Variants in ENTPD4 observed in about 807,000 individuals in gnomAD.
ENTPD4 encodes ectonucleoside triphosphate diphosphohydrolase 4.
ENTPD4 carries 60 observed loss-of-function variants against 79.1 expected under a neutral mutation model. That is an observed-to-expected ratio of 0.76 (90% CI 0.62 to 0.94). The LOEUF (loss-of-function observed/expected upper bound fraction) is 0.94. Ranked by LOEUF, ENTPD4 falls within the 40% of genes least tolerant of loss-of-function variation. The pLI, the probability that ENTPD4 is intolerant of heterozygous loss-of-function variation, is 0.00. For missense variants in ENTPD4, 772 were observed against 775.1 expected (o/e 1.00, Z 0.05); for synonymous variants, 276 against 292.0 (o/e 0.95, Z 0.56).
At position 23,436,931 on chromosome 8, in the gene ENTPD4, T is replaced by C. The variant is rs774055231; in HGVS notation, c.1374+3A>G. On this transcript the variant is annotated splice_donor_region_variant and intron_variant, in intron 10 of 12. Transcript: ENST00000358689. Reference sequence around the variant, plus strand: ...CAGAGCAGACGGCGTCTCTCAAGGGTACCTTTGCAGCTTTAGTAAATTTAG... The same window carrying C: ...CAGAGCAGACGGCGTCTCTCAAGGGCACCTTTGCAGCTTTAGTAAATTTAG... The C allele has an allele frequency of 4.9e-5, 77 of 1,577,572 alleles. No individual in the cohort carries two copies. The highest frequency in any genetic ancestry group is 6.3e-5 in the Non-Finnish European group (73 of 1,161,394).
intron 11 of ENTPD4, 69 bp downstream of exon 11, chr8:23,435,323 C>T (rs1563222005): frequency 2.7e-6 from 3 of 1,100,272 alleles, no homozygotes; most frequent in East Asian, 5.0e-5. Context: ...CAGGGTGTGG[C>T]AAGCCAGTGG....
intron 9 of ENTPD4, among the ~76,000 whole-genome samples, chr8:23,438,179 A>G (rs1800605495): frequency 6.6e-6 from 1 of 152,240 alleles, no homozygotes; most frequent in Admixed American, 6.5e-5. Context: ...GAAACAGAGA[A>G]GAGCTCACAA....
At chr8:23,456,202 T>C (rs903845942) in intron 1 of ENTPD4, among the ~76,000 whole-genome samples, 5 of 152,224 alleles carry the variant, frequency 3.3e-5, no homozygotes, top group Non-Finnish European at 7.3e-5. Context: ...CAGTCCCAGA[T>C]ACCATCTCTC....
intron 2 of ENTPD4, 99 bp from the exon 3 acceptor site, chr8:23,449,038 G>T: frequency 1.1e-6 from 1 of 939,270 alleles, no homozygotes; most frequent in South Asian, 1.5e-5. Flanking sequence ...TGAGCTACCT[G>T]GATTTCCCTA....
chr8:23,452,547 C>T (rs556699151), intron 1 of ENTPD4, among the ~76,000 whole-genome samples: 1 of 152,216 alleles, frequency 6.6e-6, no homozygotes, highest in South Asian at 2.1e-4. Context: ...TTGTACTAGC[C>T]ACCTTTGAAG....
At chr8:23,439,123 T>C (rs943425501) in intron 9 of ENTPD4, among the ~76,000 whole-genome samples, 4 of 152,244 alleles carry the variant, frequency 2.6e-5, no homozygotes, top group African/African-American at 7.2e-5. Context: ...CTTACACTTA[T>C]ACAGTCAATT....
chr8:23,447,970 C>A, intron 3 of ENTPD4, 85 bp from the exon 4 acceptor site: 1 of 1,077,334 alleles, frequency 9.3e-7, no homozygotes, highest in Middle Eastern at 2.2e-4. Context: ...AATACCAAGT[C>A]AGTAATTTCT....
In ENTPD4 at chr8:23,450,014, G is replaced by A. The variant is rs1480080533; in HGVS notation, c.-97-17C>T. On this transcript the variant is annotated splice_polypyrimidine_tract_variant and intron_variant, in intron 1 of 12. Coordinates refer to ENST00000358689, the MANE Select transcript of ENTPD4 (RefSeq NM_004901.5). ...AGAGCCCTCCTGTTCCAGGAAGTGA[G>A]ACAAATCACAAAGATAGCATCATCA... 1 of 1,310,760 alleles carries A rather than the reference G, an allele frequency of 7.6e-7. No homozygotes were observed. Among genetic ancestry groups the A allele is most frequent in the East Asian group, 2.3e-5 (1 of 43,392 alleles). 81.2% of individuals were successfully genotyped at this position (1,310,760 alleles called of 1,614,324 possible).
intron 1 of ENTPD4, among the ~76,000 whole-genome samples, chr8:23,455,458 C>T (rs779626586): frequency 2.2e-4 from 33 of 152,076 alleles, no homozygotes; most frequent in Non-Finnish European, 3.7e-4. Flanking sequence ...TGGAGGCTGC[C>T]GGGTGGCACC....
In ENTPD4 at chr8:23,447,709, C is replaced by A. The variant is rs374788498; in HGVS notation, c.383G>T (p.Arg128Leu). 1 of 1,613,962 alleles carries A rather than the reference C, an allele frequency of 6.2e-7. No individual in the cohort carries two copies. Among genetic ancestry groups the A allele is most frequent in the Non-Finnish European group, 8.5e-7 (1 of 1,179,966 alleles). The change falls in exon 4 of 13, where the codon CGA (arginine) becomes CTA (leucine). Residue 128 changes from arginine (R) to leucine (L), a missense_variant. Transcript: ENST00000358689. ...LDIRQMRDKN[R>L]KPVVMKIKPG... is the part of the protein sequence containing the mutation. ...TTTTATCTTCATGACCACTGGCTTT[C>A]GGTTTTTATCCCTCATTTGCCTGAT...
Position 23,439,812 on chromosome 8 carries a change from C to A in ENTPD4, c.986G>T (p.Gly329Val). ...GTATCTCTGTCGAGCAGCATTGCCA[C>A]CAAACCCAAGAAACGTGGCCACATA... is the stretch of plus-strand genomic sequence containing the variant. Reference protein sequence around the residue: ...RVYVATFLGFGGNAARQRYED... With the variant: ...RVYVATFLGFVGNAARQRYED... Residue 329 changes from glycine (G) to valine (V), a missense_variant, in exon 9 of 13, where the codon GGT becomes GTT. Coordinates refer to ENST00000358689, the MANE Select transcript of ENTPD4 (RefSeq NM_004901.5). 6.2e-7 allele frequency: 1 copy of A among 1,614,166 alleles called. No homozygotes were observed. The highest frequency in any genetic ancestry group is 8.5e-7 in the Non-Finnish European group (1 of 1,180,020).
At chr8:23,449,625 T>C (rs1800824179) in intron 2 of ENTPD4, among the ~76,000 whole-genome samples, 1 of 152,210 alleles carries the variant, frequency 6.6e-6, no homozygotes, top group African/African-American at 2.4e-5. Context: ...AATGAGAGGC[T>C]CATTCTAGAA....
At chr8:23,457,141 G>A (rs1007194823) in intron 1 of ENTPD4, among the ~76,000 whole-genome samples, 1 of 152,228 alleles carries the variant, frequency 6.6e-6, no homozygotes, top group Non-Finnish European at 1.5e-5. Context: ...TCTGGCAAAA[G>A]CAAAGCAAAG....
intron 10 of ENTPD4, 45 bp downstream of exon 10, chr8:23,436,889 G>A (rs879174694): frequency 7.0e-7 from 1 of 1,432,244 alleles, no homozygotes; most frequent in Non-Finnish European, 9.5e-7. Flanking sequence ...CGTCCACACT[G>A]GTCTCTCAAA....
rs1226744247 is a variant in ENTPD4, at chr8:23,448,179, G to A, written c.207-294C>T. Among the ~76,000 whole-genome samples the A allele has an allele frequency of 3.3e-5, 5 of 152,068 alleles. No homozygotes were observed. In the East Asian group the frequency reaches 7.7e-4, roughly 23 times the overall value. On this transcript the variant is annotated intron_variant, in intron 3 of 12. Coordinates refer to ENST00000358689, the MANE Select transcript of ENTPD4 (RefSeq NM_004901.5). Reference sequence around the variant, plus strand: ...AAAATCAGCTTAAAACATATTACACGAGACGCTTATGTATAAATAATTATT... The same window carrying A: ...AAAATCAGCTTAAAACATATTACACAAGACGCTTATGTATAAATAATTATT...
chr8:23,443,706 G>A, intron 6 of ENTPD4, 144 bp downstream of exon 6: 1 of 562,376 alleles, frequency 1.8e-6, no homozygotes, highest in Non-Finnish European at 3.2e-6. Context: ...AACTGATTTA[G>A]TAATTTAAAA....
intron 5 of ENTPD4, 81 bp downstream of exon 5, chr8:23,444,375 G>A: frequency 8.4e-7 from 1 of 1,193,610 alleles, no homozygotes; most frequent in South Asian, 1.4e-5. Context: ...TGATGGAGAG[G>A]AGAAGGAGGA....
intron 8 of ENTPD4, chr8:23,441,323 C>T (rs1280837303): frequency 1.8e-5 from 11 of 626,100 alleles, no homozygotes; most frequent in South Asian, 7.0e-5. Context: ...CTCAAGCATG[C>T]GACTGCGTAT....
At position 23,435,582 on chromosome 8, in the gene ENTPD4, A is replaced by G. The variant is rs1800542994; in HGVS notation, c.1375-105T>C. On this transcript the variant is annotated intron_variant, in intron 10 of 12. Coordinates refer to ENST00000358689, the MANE Select transcript of ENTPD4 (RefSeq NM_004901.5). The stretch of plus-strand genomic sequence containing the variant: ...TATTTGTAACAAGCATATCCTTCCC[A>G]TTAGGAAACACACAAGCTTAACTTA... 5.3e-6 allele frequency: 4 copies of G among 758,632 alleles called. 1 individual carries two copies. The highest frequency in any genetic ancestry group is 3.3e-5 in the South Asian group (2 of 61,486). The allele number at this position is 758,632 out of a possible 1,614,324, so 47.0% of individuals were successfully genotyped here. A position where few individuals can be genotyped will look rare whatever the true frequency, so the allele number is the denominator to read the frequency against.
Sources: gnomAD v4.1 joint callset for allele counts (sites outside exome capture counted in the v4.1 genomes callset) on GRCh38, gnomAD v4.1.1 for gene constraint, MANE v1.5 for transcripts, NCBI Gene and HGNC (gene_info 2026-07-23, HGNC 2026-07-21) for gene names.